Variants in SGCG observed in about 807,000 individuals in gnomAD.
SGCG encodes the protein sarcoglycan gamma.
In SGCG, 26 loss-of-function variants were observed where a neutral mutation model predicts 29.3. The ratio of observed to expected loss-of-function variants is 0.89; its 90% CI spans 0.65 to 1.23. The LOEUF is 1.23. Ranked by LOEUF, SGCG falls within the 50% of genes most tolerant of loss-of-function variation. The probability of loss-of-function intolerance (pLI) is 0.00; values close to 1 mark genes in which losing one functional copy is unlikely to be tolerated. For missense variants in SGCG, 353 were observed against 356.0 expected (o/e 0.99, Z 0.07); for synonymous variants, 145 against 129.7 (o/e 1.12, Z -0.80).
At chr13:23,213,418 G>A (rs2137515833) in intron 2 of SGCG, among the ~76,000 whole-genome samples, 1 of 152,266 alleles carries the variant, frequency 6.6e-6, no homozygotes, top group South Asian at 2.1e-4. Flanking sequence ...GAAAGTAGGG[G>A]TTGCAGTGAG....
chr13:23,289,920 G>A (rs1881635803), intron 5 of SGCG, among the ~76,000 whole-genome samples: 1 of 152,188 alleles, frequency 6.6e-6, no homozygotes, highest in African/African-American at 2.4e-5. Context: ...AAAGAATGGA[G>A]GCAGTAAGAC....
chr13:23,305,875 T>C (rs1269109431), intron 6 of SGCG, among the ~76,000 whole-genome samples: 1 of 152,224 alleles, frequency 6.6e-6, no homozygotes, highest in Admixed American at 6.5e-5. Context: ...TAACTCATAT[T>C]AGTCTGCATT....
At chr13:23,312,710 T>C (rs1882649490) in intron 6 of SGCG, among the ~76,000 whole-genome samples, 1 of 152,196 alleles carries the variant, frequency 6.6e-6, no homozygotes, top group African/African-American at 2.4e-5. Context: ...TGTAATATAT[T>C]CATGTAACAA....
chr13:23,254,516 T>C (rs1880102583), intron 4 of SGCG, among the ~76,000 whole-genome samples: 1 of 152,174 alleles, frequency 6.6e-6, no homozygotes, highest in African/African-American at 2.4e-5. Context: ...AAAAAAACTT[T>C]AAAATTTGAA....
At chr13:23,233,322 T>A (rs1489397995) in intron 2 of SGCG, among the ~76,000 whole-genome samples, 2 of 152,178 alleles carry the variant, frequency 1.3e-5, no homozygotes, top group Non-Finnish European at 2.9e-5. Flanking sequence ...CACAAAAAGA[T>A]AAATATGATA....
intron 4 of SGCG, among the ~76,000 whole-genome samples, chr13:23,262,986 C>T (rs1590595): frequency 0.25 from 38,065 of 151,772 alleles, 5,061 homozygotes; most frequent in Admixed American, 0.31. Flanking sequence ...ATCAGAACCT[C>T]TGGGATATAG....
At chr13:23,178,700 C>G (rs765140790), upstream of SGCG, among the ~76,000 whole-genome samples, 1 of 152,136 alleles carries the variant, frequency 6.6e-6, no homozygotes, top group Non-Finnish European at 1.5e-5. Flanking sequence ...TTTCCACATT[C>G]TCTCTCTACA....
At chr13:23,274,183 G>C (rs1292678638) in intron 4 of SGCG, among the ~76,000 whole-genome samples, 1 of 151,916 alleles carries the variant, frequency 6.6e-6, no homozygotes, top group East Asian at 1.9e-4. Flanking sequence ...AGCTCATTTA[G>C]TATTCATTTC....
intron 6 of SGCG, among the ~76,000 whole-genome samples, chr13:23,311,402 T>C (rs1018175562): frequency 6.6e-6 from 1 of 152,250 alleles, no homozygotes; most frequent in Non-Finnish European, 1.5e-5. Context: ...GTTCTTCATA[T>C]GTATGTCTTC....
chr13:23,172,283 G>A, the SGCG span, among the ~76,000 whole-genome samples: 1 of 152,024 alleles, frequency 6.6e-6, no homozygotes, highest in East Asian at 1.9e-4. Context: ...GGTTTAGGTT[G>A]GCAATCTCCA....
chr13:23,183,181 A>T (rs1380812745), intron 1 of SGCG, among the ~76,000 whole-genome samples: 1 of 152,182 alleles, frequency 6.6e-6, no homozygotes, highest in Non-Finnish European at 1.5e-5. Flanking sequence ...AGCAGCTACC[A>T]TTTTAACAAG....
At chr13:23,242,189 G>A (rs544486891) in intron 3 of SGCG, among the ~76,000 whole-genome samples, 7 of 152,266 alleles carry the variant, frequency 4.6e-5, no homozygotes, top group Non-Finnish European at 7.4e-5. Flanking sequence ...CTGTTTGACA[G>A]AATTCTTGAT....
intron 1 of SGCG, among the ~76,000 whole-genome samples, chr13:23,201,689 T>C (rs900495003): frequency 3.9e-5 from 6 of 152,244 alleles, no homozygotes; most frequent in South Asian, 4.1e-4. Flanking sequence ...AGGTTTCTGA[T>C]AATTTGCTAC....
At position 23,226,837 on chromosome 13, in the gene SGCG, AAC is replaced by A. The variant is rs533609027; in HGVS notation, c.196-7772_196-7771del. ...GTTCTGGAAGGGGTGATGGTTGTACAACAAAAAAGAAAACTGAGCTGTCAACA... is the reference window on the plus strand; with the variant it reads ...GTTCTGGAAGGGGTGATGGTTGTACAAAAAAAGAAAACTGAGCTGTCAACA... On this transcript the variant is annotated intron_variant, in intron 2 of 7. Transcript: ENST00000218867. Among the ~76,000 whole-genome samples, 474 of 152,292 alleles carry A rather than the reference AAC, an allele frequency of 3.1e-3. 5 individuals are homozygous for A. Among genetic ancestry groups the A allele is most frequent in the African/African-American group, 0.011 (452 of 41,550 alleles).
chr13:23,287,106 AT>A (rs1386898657), intron 5 of SGCG, among the ~76,000 whole-genome samples: 1 of 152,126 alleles, frequency 6.6e-6, no homozygotes, highest in Admixed American at 6.5e-5. Flanking sequence ...TTCAGTGTGG[AT>A]GGAATCTGTA....
intron 1 of SGCG, among the ~76,000 whole-genome samples, chr13:23,185,762 G>T (rs925319248): frequency 3.3e-5 from 5 of 152,230 alleles, no homozygotes; most frequent in African/African-American, 9.6e-5. Flanking sequence ...AAACGTTGGA[G>T]TGTGCCTCTC....
chr13:23,223,276 CAAAAA>C (rs10569811), intron 2 of SGCG, among the ~76,000 whole-genome samples: 42,565 of 104,332 alleles, frequency 0.41, 5,653 homozygotes, highest in East Asian at 0.5. Flanking sequence ...GACTCTGTCA[CAAAAA>C]AAAAAAAAAA....
the SGCG span, among the ~76,000 whole-genome samples, chr13:23,169,150 C>G: frequency 6.6e-6 from 1 of 151,734 alleles, no homozygotes; most frequent in Non-Finnish European, 1.5e-5. Flanking sequence ...TTTTTGACCC[C>G]CTTCCCACCC....
intron 5 of SGCG, among the ~76,000 whole-genome samples, chr13:23,283,449 A>G (rs1881382936): frequency 6.6e-6 from 1 of 151,956 alleles, no homozygotes; most frequent in South Asian, 2.1e-4. Context: ...TCCCTGCTTT[A>G]TCTTTTTTCC....
Sources: gnomAD v4.1 joint callset for allele counts (sites outside exome capture counted in the v4.1 genomes callset) on GRCh38, gnomAD v4.1.1 for gene constraint, MANE v1.5 for transcripts, NCBI Gene and HGNC (gene_info 2026-07-23, HGNC 2026-07-21) for gene names.